MAML3: variants seen among roughly 807,000 people sequenced by gnomAD.
The protein encoded by MAML3 is mastermind like transcriptional coactivator 3.
Under a neutral mutation model 101.9 loss-of-function variants are expected in MAML3, and 27 were observed. That is an observed-to-expected ratio of 0.27 (90% confidence interval 0.20 to 0.37). MAML3 has a LOEUF of 0.37. Ranked by LOEUF, MAML3 falls within the 10% of genes least tolerant of loss-of-function variation. The pLI is 1.00. For synonymous variants in MAML3, 501 were observed against 555.9 expected, an observed-to-expected ratio of 0.90 and a Z score of 1.39; for missense variants, 1,316 against 1,444.9, an observed-to-expected ratio of 0.91 and a Z score of 1.45.
intron 1 of MAML3, among the ~76,000 whole-genome samples, chr4:140,037,982 G>A (rs1391268488): frequency 1.3e-5 from 2 of 152,182 alleles, no homozygotes; most frequent in African/African-American, 4.8e-5. Context: ...GAGAAGTCTC[G>A]TTAGCCAATT....
At chr4:140,100,908 C>T (rs1412047602) in intron 1 of MAML3, among the ~76,000 whole-genome samples, 1 of 152,130 alleles carries the variant, frequency 6.6e-6, no homozygotes, top group East Asian at 1.9e-4. Context: ...TGGCCTTGGT[C>T]TCTTGGAACC....
At chr4:139,967,708 G>T (rs1047678974) in intron 1 of MAML3, among the ~76,000 whole-genome samples, 12 of 152,128 alleles carry the variant, frequency 7.9e-5, no homozygotes, top group Non-Finnish European at 1.8e-4. Flanking sequence ...ACTGGATTCT[G>T]GTTGGCACAG....
At chr4:139,931,649 C>A (rs1380413834) in intron 1 of MAML3, among the ~76,000 whole-genome samples, 1 of 152,084 alleles carries the variant, frequency 6.6e-6, no homozygotes, top group Non-Finnish European at 1.5e-5. Flanking sequence ...CCAGGCTCAA[C>A]AATCCTCCTG....
intron 1 of MAML3, among the ~76,000 whole-genome samples, chr4:139,994,784 GGGGT>G (rs1326782510): frequency 2.8e-4 from 11 of 38,810 alleles, no homozygotes; most frequent in East Asian, 3.2e-3. Context: ...GTGCTGGTGG[GGGGT>G]GTGTGTGTGT....
intron 1 of MAML3, among the ~76,000 whole-genome samples, chr4:139,916,578 G>GTGC (rs1733032754): frequency 6.6e-6 from 1 of 152,204 alleles, no homozygotes; most frequent in South Asian, 2.1e-4. Flanking sequence ...CATGTATGCT[G>GTGC]TGCTCCAGGT....
intron 1 of MAML3, among the ~76,000 whole-genome samples, chr4:140,136,580 A>G (rs774041809): frequency 1.1e-4 from 16 of 152,320 alleles, no homozygotes; most frequent in Admixed American, 5.2e-4. Context: ...ATAATGTACG[A>G]TATTAGGAGT....
chr4:140,076,542 C>A (rs763665557), intron 1 of MAML3, among the ~76,000 whole-genome samples: 1 of 152,194 alleles, frequency 6.6e-6, no homozygotes, highest in African/African-American at 2.4e-5. Flanking sequence ...AGGCTCCAGG[C>A]CCCTGGAAGT....
intron 1 of MAML3, among the ~76,000 whole-genome samples, chr4:140,032,689 ACTTAATATTTGAACC>A (rs1026515018): frequency 6.6e-6 from 1 of 152,148 alleles, no homozygotes; most frequent in African/African-American, 2.4e-5. Context: ...GTTACCAAAA[ACTTAATATTTGAACC>A]CTCTTCATTC....
chr4:139,979,496 C>T (rs866016067), intron 1 of MAML3, among the ~76,000 whole-genome samples: 6 of 152,322 alleles, frequency 3.9e-5, no homozygotes, highest in South Asian at 2.1e-4. Flanking sequence ...TGCCCAGCCA[C>T]TAACAGTTGG....
At chr4:139,881,938 C>T (rs530127143) in intron 2 of MAML3, among the ~76,000 whole-genome samples, 4 of 152,146 alleles carry the variant, frequency 2.6e-5, no homozygotes, top group African/African-American at 9.6e-5. Flanking sequence ...GTGATCCGCC[C>T]GCCTCAGCCT....
At chr4:140,063,970 T>C (rs1339536376) in intron 1 of MAML3, among the ~76,000 whole-genome samples, 3 of 152,182 alleles carry the variant, frequency 2.0e-5, no homozygotes, top group Non-Finnish European at 4.4e-5. Context: ...AAAGAGGTTA[T>C]TTAAGAATGT....
chr4:140,028,317 A>T (rs1726858296), intron 1 of MAML3, among the ~76,000 whole-genome samples: 1 of 152,174 alleles, frequency 6.6e-6, no homozygotes, highest in Non-Finnish European at 1.5e-5. Context: ...CTGAAAAAAA[A>T]GTGGCTAAAA....
intron 2 of MAML3, among the ~76,000 whole-genome samples, chr4:139,863,832 G>GTCTTT (rs1731834959): frequency 9.0e-6 from 1 of 111,254 alleles, no homozygotes; most frequent in African/African-American, 2.9e-5. Flanking sequence ...CAGAACATGG[G>GTCTTT]TTTTTTTTTT....
Position 140,154,088 on chromosome 4 carries a change from C to T in MAML3, c.-761G>A. 5.6e-6 allele frequency: 1 copy of T among 177,174 alleles called. No individual in the cohort carries two copies. Among genetic ancestry groups the T allele is most frequent in the Non-Finnish European group, 1.2e-5 (1 of 83,110 alleles). 11.0% of individuals were successfully genotyped at this position (177,174 alleles called of 1,614,324 possible). A position where few individuals can be genotyped will look rare whatever the true frequency, so the allele number is the denominator to read the frequency against. ...CCGCTGCCGCCGCTGCTCCTGCCACCATCACAATGATCAACTGCTCGCCGC... is the reference window on the plus strand; with the variant it reads ...CCGCTGCCGCCGCTGCTCCTGCCACTATCACAATGATCAACTGCTCGCCGC... On this transcript the variant is annotated 5_prime_UTR_variant, in exon 1 of 5. It removes an upstream start codon present in the reference 5' UTR. Transcript: ENST00000509479.
intron 1 of MAML3, among the ~76,000 whole-genome samples, chr4:139,977,088 G>A (rs932535620): frequency 2.6e-5 from 4 of 152,040 alleles, no homozygotes; most frequent in Admixed American, 6.6e-5. Context: ...GAGCTGCTTC[G>A]GCCCTTCCAC....
Position 140,058,079 on chromosome 4 carries a change from A to C in MAML3, c.468+94781T>G, listed in dbSNP as rs535771621. On this transcript the variant is annotated intron_variant, in intron 1 of 4. Coordinates refer to ENST00000509479, the MANE Select transcript of MAML3 (RefSeq NM_018717.5). ...AAAAATGCTTTTTTAAAAAAAATGG[A>C]ATGTAGATTACTGAAGAAGTTTTAC... 1.2e-4 allele frequency among the ~76,000 whole-genome samples: 19 copies of C among 152,272 alleles called. 1 individual carries two copies. In the South Asian group the frequency reaches 3.9e-3, roughly 32 times the overall value.
chr4:139,758,233 G>A (rs1042355616), intron 2 of MAML3, among the ~76,000 whole-genome samples: 1 of 152,122 alleles, frequency 6.6e-6, no homozygotes, highest in African/African-American at 2.4e-5. Context: ...GGAGAGAGGC[G>A]TCTGCATTTC....
At chr4:140,076,266 ATAT>A (rs1415498232) in intron 1 of MAML3, among the ~76,000 whole-genome samples, 2 of 152,170 alleles carry the variant, frequency 1.3e-5, no homozygotes, top group Non-Finnish European at 2.9e-5. Flanking sequence ...ATCAAATAAG[ATAT>A]TATGGGGACT....
rs567398861 is a variant in MAML3, at chr4:139,949,096, A to G, written c.469-58129T>C. Among the ~76,000 whole-genome samples, 22 of 152,082 alleles carry G rather than the reference A, an allele frequency of 1.4e-4. 1 individual carries two copies. Among genetic ancestry groups the G allele is most frequent in the African/African-American group, 5.3e-4 (22 of 41,490 alleles). ...AGTGGCGCGATCTCGGCTCACTGCA[A>G]CCTCCGCCTCCTGGGTTCAAGAAAT... is the stretch of plus-strand genomic sequence containing the variant. On this transcript the variant is annotated intron_variant, in intron 1 of 4. Transcript: ENST00000509479.
Sources: allele counts gnomAD v4.1 joint callset (sites outside exome capture counted in the v4.1 genomes callset), GRCh38; gene constraint gnomAD v4.1.1; transcripts MANE v1.5; gene names NCBI Gene and HGNC (gene_info 2026-07-23, HGNC 2026-07-21).